Variants in RBFOX1 observed in about 807,000 individuals in gnomAD.
RBFOX1 encodes the protein RNA binding fox-1 homolog 1, also known as RNA binding protein fox-1 homolog 1.
RBFOX1 carries 8 observed loss-of-function variants against 57.7 expected under a neutral mutation model. The ratio of observed to expected loss-of-function variants is 0.14; its 90% CI spans 0.08 to 0.25. RBFOX1 has a LOEUF of 0.25. RBFOX1 is among the 10% of genes least tolerant of loss of function. The pLI is 1.00. For synonymous variants in RBFOX1, 326 were observed against 222.4 expected (o/e 1.47, Z -4.15); for missense variants, 611 against 548.5 (o/e 1.11, Z -1.14).
At chr16:6,703,355 C>T (rs879621997) in intron 3 of RBFOX1, among the ~76,000 whole-genome samples, 1 of 152,020 alleles carries the variant, frequency 6.6e-6, no homozygotes. Context: ...AGGAGGTTTG[C>T]TTGAGCCCAG....
chr16:7,208,890 G>C (rs569437071), intron 4 of RBFOX1, among the ~76,000 whole-genome samples: 1 of 152,178 alleles, frequency 6.6e-6, no homozygotes, highest in African/African-American at 2.4e-5. Flanking sequence ...TAAGGACTAA[G>C]AGAGCAAGAA....
intron 3 of RBFOX1, among the ~76,000 whole-genome samples, chr16:6,910,774 A>C (rs1332543031): frequency 2.0e-5 from 3 of 152,184 alleles, no homozygotes; most frequent in Non-Finnish European, 4.4e-5. Context: ...CAAAACCATC[A>C]GATCCTACGT....
chr16:7,209,637 CT>C (rs35854796), intron 4 of RBFOX1, among the ~76,000 whole-genome samples: 1 of 152,114 alleles, frequency 6.6e-6, no homozygotes, highest in Non-Finnish European at 1.5e-5. Context: ...TAAATTTTTC[CT>C]TTTTGAGCAC....
intron 4 of RBFOX1, among the ~76,000 whole-genome samples, chr16:7,515,725 CA>C (rs1223566618): frequency 6.6e-6 from 1 of 152,214 alleles, no homozygotes; most frequent in African/African-American, 2.4e-5. Context: ...TTCAACACTT[CA>C]AATGACGTCA....
At chr16:7,115,867 A>G (rs532925681) in intron 4 of RBFOX1, among the ~76,000 whole-genome samples, 16 of 152,346 alleles carry the variant, frequency 1.1e-4, no homozygotes, top group African/African-American at 3.6e-4. Flanking sequence ...TTAAATGCCT[A>G]CGCTGGGGAG....
intron 4 of RBFOX1, among the ~76,000 whole-genome samples, chr16:7,326,068 T>C (rs1020880945): frequency 6.6e-6 from 1 of 152,154 alleles, no homozygotes; most frequent in African/African-American, 2.4e-5. Flanking sequence ...TTCTGTTGTT[T>C]AACCTTGGAC....
At chr16:6,115,367 A>C (rs1300375283) in intron 1 of RBFOX1, among the ~76,000 whole-genome samples, 1 of 152,190 alleles carries the variant, frequency 6.6e-6, no homozygotes, top group Non-Finnish European at 1.5e-5. Flanking sequence ...AAATTTTTCC[A>C]GAGAAAAGGC....
chr16:7,545,129 C>G (rs2084064503), intron 5 of RBFOX1, among the ~76,000 whole-genome samples: 1 of 152,076 alleles, frequency 6.6e-6, no homozygotes, highest in African/African-American at 2.4e-5. Context: ...TCCTAGGGTC[C>G]CTCTGCCTTG....
chr16:6,685,273 CTTTTTTTTTTT>C (rs202226687), intron 3 of RBFOX1, among the ~76,000 whole-genome samples: 1 of 111,576 alleles, frequency 9.0e-6, no homozygotes, highest in African/African-American at 3.6e-5. Context: ...GAGAGTTTTT[CTTTTTTTTTTT>C]TTTTTTTTTG....
At chr16:6,456,299 T>C (rs2094770994) in intron 2 of RBFOX1, among the ~76,000 whole-genome samples, 1 of 152,150 alleles carries the variant, frequency 6.6e-6, no homozygotes, top group Non-Finnish European at 1.5e-5. Flanking sequence ...AGAGTGTGCA[T>C]CTATTCAAGC....
At chr16:6,576,214 G>GA (rs1335659781) in intron 2 of RBFOX1, among the ~76,000 whole-genome samples, 2 of 152,040 alleles carry the variant, frequency 1.3e-5, no homozygotes, top group Admixed American at 1.3e-4. Context: ...CGAGTGGGTG[G>GA]AGCCTGTCGT....
intron 4 of RBFOX1, among the ~76,000 whole-genome samples, chr16:7,390,372 C>A (rs1342463605): frequency 6.6e-6 from 1 of 152,080 alleles, no homozygotes; most frequent in Non-Finnish European, 1.5e-5. Context: ...TGAGAGACAC[C>A]CAAACTCATG....
chr16:6,649,808 T>A (rs1412555577), intron 2 of RBFOX1, among the ~76,000 whole-genome samples: 1 of 152,192 alleles, frequency 6.6e-6, no homozygotes, highest in African/African-American at 2.4e-5. Flanking sequence ...TATATGCATG[T>A]ATATTGGGTA....
intron 3 of RBFOX1, among the ~76,000 whole-genome samples, chr16:7,004,845 C>T (rs1445620592): frequency 1.3e-5 from 2 of 152,112 alleles, no homozygotes; most frequent in Admixed American, 6.6e-5. Flanking sequence ...TGGGACAGAA[C>T]AGGTTGAATC....
At chr16:5,469,711 C>T (rs76910980) in intron 2 of RBFOX1, among the ~76,000 whole-genome samples, 1,770 of 152,180 alleles carry the variant, frequency 0.012, 37 homozygotes, top group African/African-American at 0.041. Flanking sequence ...TGCATCCTGC[C>T]CCTGTGGATT....
chr16:5,477,511 A>G (rs1222406988), intron 2 of RBFOX1, among the ~76,000 whole-genome samples: 1 of 152,188 alleles, frequency 6.6e-6, no homozygotes, highest in Non-Finnish European at 1.5e-5. Context: ...CTTACTTTGC[A>G]TAAGTTATTG....
At chr16:6,803,635 G>A (rs13337751) in intron 3 of RBFOX1, among the ~76,000 whole-genome samples, 37 of 152,148 alleles carry the variant, frequency 2.4e-4, no homozygotes, top group African/African-American at 8.2e-4. Flanking sequence ...ATGGACTTTA[G>A]CAAAAGAATC....
chr16:6,459,583 C>T (rs1394066795), intron 2 of RBFOX1, among the ~76,000 whole-genome samples: 1 of 152,076 alleles, frequency 6.6e-6, no homozygotes, highest in African/African-American at 2.4e-5. Context: ...ATATCTCATG[C>T]TTCTGATATC....
chr16:6,038,857 G>C (rs1201718705), intron 1 of RBFOX1: 1 of 149,456 alleles, frequency 6.7e-6, no homozygotes, highest in Non-Finnish European at 1.5e-5. Context: ...TAATAGAGTT[G>C]AATGGCTGTG....
Sources: allele counts gnomAD v4.1 joint callset (sites outside exome capture counted in the v4.1 genomes callset), GRCh38; gene constraint gnomAD v4.1.1; transcripts MANE v1.5; gene names NCBI Gene and HGNC (gene_info 2026-07-23, HGNC 2026-07-21).